The following CD55 variants were observed in gnomAD, a reference collection of about 807,000 sequenced individuals.
The protein encoded by CD55 is complement decay-accelerating factor.
In CD55, 41 loss-of-function variants were observed where a neutral mutation model predicts 45.8. The observed-to-expected ratio is 0.90, with a 90% CI of 0.70 to 1.16. CD55 has a LOEUF of 1.16. Among genes scored for constraint, CD55 ranks in the 50% most tolerant of loss-of-function variants. The pLI, the probability that CD55 is intolerant of heterozygous loss-of-function variation, is 0.00. For synonymous variants in CD55, 181 were observed against 181.1 expected, an observed-to-expected ratio of 1.00 and a Z score of 0.01; for missense variants, 416 against 469.8, an observed-to-expected ratio of 0.89 and a Z score of 1.06.
intron 8 of CD55, 190 bp downstream of exon 8, chr1:207,337,599 A>G (rs1655243747): frequency 2.3e-6 from 1 of 425,592 alleles, no homozygotes; most frequent in Non-Finnish European, 4.2e-6. Context: ...AAAAAGAAAC[A>G]TTTACAATAA....
chr1:207,327,462 G>T (rs897219727), intron 5 of CD55, among the ~76,000 whole-genome samples: 1 of 152,120 alleles, frequency 6.6e-6, no homozygotes, highest in African/African-American at 2.4e-5. Flanking sequence ...ATATGGTGCA[G>T]AAATAATATT....
Position 207,336,969 on chromosome 1 carries a change from C to T in CD55, c.979+151C>T, listed in dbSNP as rs1572884949. The T allele has an allele frequency of 3.5e-6, 3 of 855,388 alleles. No individual in the cohort carries two copies. In the South Asian group the frequency reaches 4.9e-5, roughly 14 times the overall value. The allele number at this position is 855,388 out of a possible 1,614,324, so 53.0% of individuals were successfully genotyped here. A position where few individuals can be genotyped will look rare whatever the true frequency, so the allele number is the denominator to read the frequency against. On this transcript the variant is annotated intron_variant, in intron 7 of 9. Coordinates refer to ENST00000367064, the MANE Select transcript of CD55 (RefSeq NM_000574.5). Reference sequence around the variant, plus strand: ...TAGAAACCCACCACAATAAATGTTCCAGCTACAGGAGTCTCATCAACACCT... The same window carrying T: ...TAGAAACCCACCACAATAAATGTTCTAGCTACAGGAGTCTCATCAACACCT...
At position 207,359,693 on chromosome 1, in the gene CD55, T is replaced by C; in HGVS notation, c.*83T>C. On this transcript the variant is annotated 3_prime_UTR_variant, in exon 10 of 10. Transcript: ENST00000367064. ...AGACTTATCTGCATATTGGATAAAATAAATGCAATTGTGCTCTTCATTTAG... is the reference window on the plus strand; with the variant it reads ...AGACTTATCTGCATATTGGATAAAACAAATGCAATTGTGCTCTTCATTTAG... 6.7e-7 allele frequency: 1 copy of C among 1,497,076 alleles called. No individual in the cohort carries two copies. Among genetic ancestry groups the C allele is most frequent in the South Asian group, 1.3e-5 (1 of 74,932 alleles). The allele number at this position is 1,497,076 out of a possible 1,614,324, so 92.7% of individuals were successfully genotyped here.
chr1:207,322,654 G>A lies in CD55; in HGVS notation c.286+87G>A, dbSNP rs1654475296. Reference sequence around the variant, plus strand: ...TATACCTTTGGAGTGACTAGTAATTGATAGTTCTCTAGCGTTACTAAACCC... The same window carrying A: ...TATACCTTTGGAGTGACTAGTAATTAATAGTTCTCTAGCGTTACTAAACCC... On this transcript the variant is annotated intron_variant, in intron 2 of 9. Coordinates refer to ENST00000367064, the MANE Select transcript of CD55 (RefSeq NM_000574.5). The A allele has an allele frequency of 2.6e-6, 3 of 1,141,310 alleles. No homozygotes were observed. The Admixed American group carries it at 7.8e-5, about 30-fold the overall frequency. 70.7% of individuals were successfully genotyped at this position (1,141,310 alleles called of 1,614,324 possible). A position where few individuals can be genotyped will look rare whatever the true frequency, so the allele number is the denominator to read the frequency against.
chr1:207,344,782 A>G (rs1273877159), intron 9 of CD55, among the ~76,000 whole-genome samples: 1 of 151,264 alleles, frequency 6.6e-6, no homozygotes, highest in Non-Finnish European at 1.5e-5. Context: ...GCGCAATCTC[A>G]GCTCACTGCA....
chr1:207,331,782 A>C (rs1431453632), intron 6 of CD55, among the ~76,000 whole-genome samples: 2 of 152,152 alleles, frequency 1.3e-5, no homozygotes, highest in Non-Finnish European at 1.5e-5. Flanking sequence ...ATTCTCCTTC[A>C]TCCTTCTAGA....
chr1:207,339,220 T>G (rs1399801135), intron 8 of CD55, among the ~76,000 whole-genome samples, 177 bp from the exon 9 acceptor site: 2 of 29,020 alleles, frequency 6.9e-5, no homozygotes, highest in African/African-American at 2.5e-4. Flanking sequence ...GTTTACATTC[T>G]ACTTGATTAA....
chr1:207,331,926 TG>T (rs1654965161), intron 6 of CD55, among the ~76,000 whole-genome samples: 3 of 152,138 alleles, frequency 2.0e-5, no homozygotes, highest in Non-Finnish European at 4.4e-5. Flanking sequence ...TATCAATAGG[TG>T]GCGTTTAAGT....
chr1:207,327,788 ATG>A (rs1358517262), intron 5 of CD55, among the ~76,000 whole-genome samples: 1 of 152,164 alleles, frequency 6.6e-6, no homozygotes, highest in Non-Finnish European at 1.5e-5. Context: ...GACAAATAAA[ATG>A]AAGCCGTGCC....
At chr1:207,353,016 G>A (rs991887867) in intron 9 of CD55, among the ~76,000 whole-genome samples, 6 of 143,206 alleles carry the variant, frequency 4.2e-5, no homozygotes, top group Non-Finnish European at 7.5e-5. Context: ...AATAGAGGCC[G>A]ATGACTAGTT....
At position 207,321,828 on chromosome 1, in the gene CD55, G is replaced by A; in HGVS notation, c.63G>A (p.Leu21=). The change falls in exon 1 of 10, where the codon CTG becomes CTA. Residue 21 remains leucine, a synonymous_variant. Transcript: ENST00000367064. Reference sequence around the variant, plus strand: ...CCCTCCTCGGGGAGCTGCCCCGGCTGCTGCTGCTGGTGCTGTTGTGCCTGC... The same window carrying A: ...CCCTCCTCGGGGAGCTGCCCCGGCTACTGCTGCTGGTGCTGTTGTGCCTGC... ...ALPLLGELPR[L]LLLVLLCLPA... The A allele has an allele frequency of 6.5e-7, 1 of 1,529,944 alleles. No homozygotes were observed. Among genetic ancestry groups the A allele is most frequent in the Non-Finnish European group, 8.7e-7 (1 of 1,144,024 alleles). 94.8% of individuals were successfully genotyped at this position (1,529,944 alleles called of 1,614,324 possible). A position where few individuals can be genotyped will look rare whatever the true frequency, so the allele number is the denominator to read the frequency against.
chr1:207,326,972 A>G, intron 5 of CD55, 135 bp downstream of exon 5: 1 of 528,842 alleles, frequency 1.9e-6, no homozygotes, highest in Non-Finnish European at 3.3e-6. Context: ...GTGCTTTGCT[A>G]ATTTTAAGAC....
intron 1 of CD55, 25 bp from the exon 2 acceptor site, chr1:207,322,356 CT>C: frequency 6.2e-7 from 1 of 1,602,954 alleles, no homozygotes; most frequent in African/African-American, 1.3e-5. Flanking sequence ...TAGTCATTTC[CT>C]TCAGTTCTGC....
intron 9 of CD55, among the ~76,000 whole-genome samples, chr1:207,340,202 G>A (rs1342112066): frequency 6.6e-6 from 1 of 152,082 alleles, no homozygotes; most frequent in Non-Finnish European, 1.5e-5. Flanking sequence ...TCACATGTGA[G>A]TAAGAGCATG....
At chr1:207,349,102 G>T (rs1444512323) in intron 9 of CD55, among the ~76,000 whole-genome samples, 1 of 151,966 alleles carries the variant, frequency 6.6e-6, no homozygotes, top group African/African-American at 2.4e-5. Flanking sequence ...TTCTCTGAAA[G>T]ATATCATTGG....
Position 207,321,725 on chromosome 1 carries a change from C to G in CD55, c.-41C>G. ...GCCGCTGGGCGTAGCTGCGACTCGG[C>G]GGAGTCCCGGCGGCGCGTCCTTGTT... On this transcript the variant is annotated 5_prime_UTR_variant, in exon 1 of 10. Transcript: ENST00000367064. The G allele has an allele frequency of 1.4e-6, 2 of 1,429,220 alleles. No individual in the cohort carries two copies. Among genetic ancestry groups the G allele is most frequent in the African/African-American group, 1.5e-5 (1 of 67,788 alleles). 88.5% of individuals were successfully genotyped at this position (1,429,220 alleles called of 1,614,324 possible). A position where few individuals can be genotyped will look rare whatever the true frequency, so the allele number is the denominator to read the frequency against.
Position 207,321,773 on chromosome 1 carries a change from T to A in CD55, c.8T>A (p.Val3Asp). ...GTTCTAACCCGGCGCGCCATGACCG[T>A]CGCGCGGCCGAGCGTGCCCGCGGCG... MT[V>D]ARPSVPAALP... Residue 3 changes from valine (V) to aspartate (D), a missense_variant, in exon 1 of 10, where the codon GTC becomes GAC. Around this residue, in one of 3 missense-constraint regions of CD55, gnomAD observed 123 missense variants for 105.1 expected, o/e 1.17. Coordinates refer to ENST00000367064, the MANE Select transcript of CD55 (RefSeq NM_000574.5). 6.6e-7 allele frequency: 1 copy of A among 1,517,796 alleles called. No individual in the cohort carries two copies. The allele number at this position is 1,517,796 out of a possible 1,614,324, so 94.0% of individuals were successfully genotyped here.
intron 9 of CD55, among the ~76,000 whole-genome samples, chr1:207,353,048 T>G (rs1176267712): frequency 1.4e-5 from 2 of 138,368 alleles, no homozygotes; most frequent in East Asian, 2.1e-4. Context: ...AGGTTTTTTT[T>G]TTTTTTTTTT....
intron 9 of CD55, among the ~76,000 whole-genome samples, chr1:207,350,908 C>G (rs990632794): frequency 3.3e-5 from 5 of 151,786 alleles, no homozygotes; most frequent in African/African-American, 4.8e-5. Context: ...TTGGTTTGCT[C>G]TTGTTTTTTC....
Sources: gnomAD v4.1 joint callset for allele counts (sites outside exome capture counted in the v4.1 genomes callset) on GRCh38, gnomAD v4.1.1 for gene constraint, gnomAD v4.1.1 regional missense constraint, MANE v1.5 for transcripts, NCBI Gene and HGNC (gene_info 2026-07-23, HGNC 2026-07-21) for gene names.